The following PPP2R2B variants were observed in gnomAD, a reference collection of about 807,000 sequenced individuals.
PPP2R2B encodes protein phosphatase 2 regulatory subunit Bbeta.
In PPP2R2B, 5 loss-of-function variants were observed where a neutral mutation model predicts 46.0. The ratio of observed to expected loss-of-function variants is 0.11; its 90% CI spans 0.06 to 0.23. The LOEUF is 0.23. Ranked by LOEUF, PPP2R2B falls within the 10% of genes least tolerant of loss-of-function variation. The probability of loss-of-function intolerance (pLI) is 1.00; values close to 1 mark genes in which losing one functional copy is unlikely to be tolerated. For missense variants in PPP2R2B, 367 were observed against 575.0 expected (o/e 0.64, Z 3.70); for synonymous variants, 215 against 206.7 (o/e 1.04, Z -0.34).
chr5:146,638,911 A>C (rs1775007888), intron 6 of PPP2R2B, among the ~76,000 whole-genome samples: 1 of 152,224 alleles, frequency 6.6e-6, no homozygotes, highest in Admixed American at 6.5e-5. Context: ...TCTTTATAAT[A>C]TGTTGATGAT....
chr5:146,744,735 A>G (rs890072839), intron 2 of PPP2R2B, among the ~76,000 whole-genome samples: 24 of 152,194 alleles, frequency 1.6e-4, no homozygotes, highest in African/African-American at 5.5e-4. Flanking sequence ...TTTTACTGCA[A>G]GAAATTGTTT....
At chr5:146,624,709 C>T (rs1258616155) in intron 7 of PPP2R2B, among the ~76,000 whole-genome samples, 1 of 152,216 alleles carries the variant, frequency 6.6e-6, no homozygotes, top group Non-Finnish European at 1.5e-5. Context: ...CCATTGCCTA[C>T]AGGTCTACCG....
intron 2 of PPP2R2B, among the ~76,000 whole-genome samples, chr5:146,729,150 G>C (rs1752069402): frequency 6.6e-6 from 1 of 152,234 alleles, no homozygotes; most frequent in Admixed American, 6.5e-5. Flanking sequence ...GGTGGTCTCA[G>C]ATGGAAATGA....
At chr5:146,651,229 T>C (rs1166682541) in intron 5 of PPP2R2B, among the ~76,000 whole-genome samples, 1 of 152,166 alleles carries the variant, frequency 6.6e-6, no homozygotes, top group Non-Finnish European at 1.5e-5. Flanking sequence ...TGGGAAACTT[T>C]AGCATCACCC....
chr5:147,055,304 G>A (rs1005019289), intron 1 of PPP2R2B, among the ~76,000 whole-genome samples: 1 of 152,228 alleles, frequency 6.6e-6, no homozygotes, highest in African/African-American at 2.4e-5. Flanking sequence ...AGAGAGCTCG[G>A]ACAGATGTAT....
chr5:146,683,082 A>G (rs1240674833), intron 5 of PPP2R2B, among the ~76,000 whole-genome samples: 1 of 152,098 alleles, frequency 6.6e-6, no homozygotes, highest in African/African-American at 2.4e-5. Context: ...ACACTCCTGG[A>G]GATTCTGAGT....
intron 1 of PPP2R2B, among the ~76,000 whole-genome samples, chr5:147,048,088 A>G (rs1488759357): frequency 5.3e-5 from 8 of 152,210 alleles, no homozygotes; most frequent in Non-Finnish European, 1.0e-4. Flanking sequence ...TGTATTTGCC[A>G]AGGTGATTCT....
chr5:146,751,707 G>A (rs1397287447), intron 2 of PPP2R2B: 1 of 152,236 alleles, frequency 6.6e-6, no homozygotes. Flanking sequence ...TGCCTTGTGT[G>A]ATGAGTTCTA....
intron 2 of PPP2R2B, among the ~76,000 whole-genome samples, chr5:146,871,431 G>A (rs568976040): frequency 3.3e-5 from 5 of 152,306 alleles, no homozygotes. Context: ...TGAGTGACAT[G>A]GAGAAAGCTA....
At chr5:147,053,275 A>G (rs1386271298) in intron 1 of PPP2R2B, among the ~76,000 whole-genome samples, 1 of 151,978 alleles carries the variant, frequency 6.6e-6, no homozygotes, top group Non-Finnish European at 1.5e-5. Context: ...ACAAACAAAA[A>G]CAATGACAAG....
intron 2 of PPP2R2B, among the ~76,000 whole-genome samples, chr5:146,813,342 T>C (rs1229017185): frequency 6.6e-6 from 1 of 152,014 alleles, no homozygotes; most frequent in Non-Finnish European, 1.5e-5. Context: ...TTTTTGAAAA[T>C]GTCACTAAGA....
At chr5:146,648,898 G>A (rs894190971) in intron 6 of PPP2R2B, among the ~76,000 whole-genome samples, 1 of 152,208 alleles carries the variant, frequency 6.6e-6, no homozygotes, top group African/African-American at 2.4e-5. Flanking sequence ...AACAAAGATG[G>A]AGACAGGTTC....
At chr5:146,887,416 A>G (rs897130435) in intron 1 of PPP2R2B, among the ~76,000 whole-genome samples, 7 of 152,156 alleles carry the variant, frequency 4.6e-5, no homozygotes, top group African/African-American at 1.7e-4. Flanking sequence ...GCTAAAACCA[A>G]ACCAAATAAC....
chr5:146,592,255 T>TGA (rs1770734557), intron 9 of PPP2R2B: 2 of 357,546 alleles, frequency 5.6e-6, no homozygotes, highest in Admixed American at 4.0e-5. Flanking sequence ...AGGTGGAGTG[T>TGA]GAGAGAGAGA....
At chr5:146,806,000 A>G (rs1757154225) in intron 2 of PPP2R2B, among the ~76,000 whole-genome samples, 1 of 152,242 alleles carries the variant, frequency 6.6e-6, no homozygotes, top group Admixed American at 6.5e-5. Context: ...AAGAAGTAAC[A>G]TCAAGAAAAA....
At chr5:146,726,940 G>A (rs1337582817) in intron 2 of PPP2R2B, among the ~76,000 whole-genome samples, 1 of 152,260 alleles carries the variant, frequency 6.6e-6, no homozygotes. Context: ...TACACATTAT[G>A]GTAAGATTTC....
At chr5:146,948,029 C>A (rs1764538444) in intron 1 of PPP2R2B, among the ~76,000 whole-genome samples, 1 of 151,774 alleles carries the variant, frequency 6.6e-6, no homozygotes, top group South Asian at 2.1e-4. Flanking sequence ...TCTCTTCATT[C>A]ATATTTTTCC....
intron 2 of PPP2R2B, among the ~76,000 whole-genome samples, chr5:146,732,504 C>A (rs1752293297): frequency 6.6e-6 from 1 of 152,150 alleles, no homozygotes; most frequent in Admixed American, 6.5e-5. Context: ...AAAGGGCAAT[C>A]TTGCAGAGGT....
intron 1 of PPP2R2B, among the ~76,000 whole-genome samples, chr5:146,947,538 C>A (rs571176907): frequency 9.9e-4 from 150 of 152,158 alleles, no homozygotes; most frequent in African/African-American, 3.4e-3. Flanking sequence ...GAGAACAGAG[C>A]CAATGGGACA....
Sources: allele counts gnomAD v4.1 joint callset (sites outside exome capture counted in the v4.1 genomes callset), GRCh38; gene constraint gnomAD v4.1.1; transcripts MANE v1.5; gene names NCBI Gene and HGNC (gene_info 2026-07-23, HGNC 2026-07-21).